Variants in FARS2 observed in about 807,000 individuals in gnomAD.
FARS2 encodes phenylalanine--tRNA ligase, mitochondrial.
Under a neutral mutation model 46.4 loss-of-function variants are expected in FARS2, and 40 were observed. The observed-to-expected ratio is 0.86, with a 90% confidence interval of 0.67 to 1.12. FARS2 has a LOEUF of 1.12. FARS2 is among the 50% of genes most tolerant of loss of function. The pLI is 0.00. For missense variants in FARS2, 513 were observed against 567.9 expected (o/e 0.90, Z 0.98); for synonymous variants, 234 against 214.9 (o/e 1.09, Z -0.78).
At chr6:5,293,516 C>T (rs1004976946) in intron 1 of FARS2, among the ~76,000 whole-genome samples, 7 of 152,062 alleles carry the variant, frequency 4.6e-5, no homozygotes, top group African/African-American at 1.7e-4. Flanking sequence ...CAACACTGGG[C>T]CATGTGATTT....
chr6:5,337,115 T>G (rs1771214561), intron 1 of FARS2, among the ~76,000 whole-genome samples: 1 of 151,800 alleles, frequency 6.6e-6, no homozygotes, highest in Non-Finnish European at 1.5e-5. Flanking sequence ...TTGTATGTAA[T>G]TTATTCCTTC....
intron 6 of FARS2, among the ~76,000 whole-genome samples, chr6:5,625,015 T>A (rs1775964001): frequency 6.6e-6 from 1 of 152,192 alleles, no homozygotes; most frequent in Non-Finnish European, 1.5e-5. Flanking sequence ...GTCTCCTGAG[T>A]TCTTCCCATC....
Position 5,431,111 on chromosome 6 carries a change from T to C in FARS2, c.843T>C (p.Phe281=). 6.2e-7 allele frequency: 1 copy of C among 1,614,010 alleles called. No individual in the cohort carries two copies. Among genetic ancestry groups the C allele is most frequent in the Non-Finnish European group, 8.5e-7 (1 of 1,179,894 alleles). The part of the protein sequence containing the change: ...THPSFEMEIN[F]HGEWLEVLGC... ...CTTCCTTTGAGATGGAGATCAACTT[T>C]CATGGAGAATGGCTGGAAGTTCTTG... The change falls in exon 4 of 7, where the codon TTT becomes TTC. Residue 281 remains phenylalanine, a synonymous_variant. Coordinates refer to ENST00000274680, the MANE Select transcript of FARS2 (RefSeq NM_006567.5).
intron 6 of FARS2, among the ~76,000 whole-genome samples, chr6:5,675,029 A>G (rs374313807): frequency 1.3e-5 from 2 of 152,182 alleles, no homozygotes; most frequent in Non-Finnish European, 1.5e-5. Context: ...CCCAATTACT[A>G]TGGGGAATTA....
Position 5,769,315 on chromosome 6 carries a change from G to A in FARS2, c.1218-1976G>A, listed in dbSNP as rs149551300. ...AGCAATTGTAGTTTGAATGGAATGG[G>A]TCAGCACTTGGTGGCAGCAGGGGTC... On this transcript the variant is annotated intron_variant, in intron 6 of 6. Coordinates refer to ENST00000274680, the MANE Select transcript of FARS2 (RefSeq NM_006567.5). Among the ~76,000 whole-genome samples, 30 of 152,306 alleles carry A rather than the reference G, an allele frequency of 2.0e-4. No individual in the cohort carries two copies. In the East Asian group the frequency reaches 5.8e-3, roughly 29 times the overall value.
At chr6:5,407,532 A>G (rs2127724600) in intron 3 of FARS2, among the ~76,000 whole-genome samples, 1 of 152,266 alleles carries the variant, frequency 6.6e-6, no homozygotes, top group South Asian at 2.1e-4. Flanking sequence ...ACTTCAGGAT[A>G]ATGTTTTTCT....
At chr6:5,716,360 G>A (rs575853547) in intron 6 of FARS2, among the ~76,000 whole-genome samples, 53 of 152,192 alleles carry the variant, frequency 3.5e-4, no homozygotes, top group African/African-American at 1.1e-3. Flanking sequence ...TATCTTGGGG[G>A]TCTTGTTTTT....
intron 4 of FARS2, among the ~76,000 whole-genome samples, chr6:5,465,960 T>G (rs1425205220): frequency 4.6e-5 from 7 of 152,180 alleles, no homozygotes; most frequent in Admixed American, 1.3e-4. Flanking sequence ...GAATCAATTT[T>G]ATCCTTATTT....
At chr6:5,385,052 C>G (rs963605) in intron 2 of FARS2, among the ~76,000 whole-genome samples, 24,619 of 152,168 alleles carry the variant, frequency 0.16, 2,138 homozygotes, top group Middle Eastern at 0.2. Flanking sequence ...AATGGCAAAG[C>G]TGGTTCAATA....
At chr6:5,252,180 C>T in the FARS2 span, among the ~76,000 whole-genome samples, 1 of 152,138 alleles carries the variant, frequency 6.6e-6, no homozygotes, top group East Asian at 1.9e-4. Flanking sequence ...TAAACTTCTC[C>T]AGGTTGATGT....
chr6:5,323,087 A>C (rs1770100828), intron 1 of FARS2, among the ~76,000 whole-genome samples: 1 of 152,108 alleles, frequency 6.6e-6, no homozygotes, highest in Admixed American at 6.6e-5. Context: ...GGTTTTAATC[A>C]TTTTTTTATT....
chr6:5,406,571 A>G (rs1203740113), intron 3 of FARS2, among the ~76,000 whole-genome samples: 2 of 152,146 alleles, frequency 1.3e-5, no homozygotes, highest in African/African-American at 4.8e-5. Flanking sequence ...TACTTAAAAT[A>G]ATTATTTTGA....
chr6:5,341,233 A>AT (rs1561970169), intron 1 of FARS2, among the ~76,000 whole-genome samples: 4 of 6,714 alleles, frequency 6.0e-4, no homozygotes, highest in Non-Finnish European at 1.1e-3. Flanking sequence ...ATATATATAT[A>AT]TATTTTTTTT....
chr6:5,379,398 G>A (rs1393700022), intron 2 of FARS2, among the ~76,000 whole-genome samples: 5 of 152,168 alleles, frequency 3.3e-5, no homozygotes, highest in Non-Finnish European at 5.9e-5. Context: ...AAAGCATAAT[G>A]TAAAGAATTA....
intron 6 of FARS2, among the ~76,000 whole-genome samples, chr6:5,626,171 G>C (rs1776020838): frequency 1.3e-5 from 2 of 152,046 alleles, no homozygotes; most frequent in Admixed American, 1.3e-4. Context: ...GGGAATCCCT[G>C]TTTTCTAGTG....
chr6:5,517,305 C>T (rs1768865630), intron 4 of FARS2, among the ~76,000 whole-genome samples: 1 of 152,048 alleles, frequency 6.6e-6, no homozygotes, highest in Admixed American at 6.6e-5. Flanking sequence ...CAGATATGTG[C>T]TTTAAGTATA....
At chr6:5,538,934 G>A (rs1460931891) in intron 4 of FARS2, among the ~76,000 whole-genome samples, 1 of 152,144 alleles carries the variant, frequency 6.6e-6, no homozygotes, top group Non-Finnish European at 1.5e-5. Flanking sequence ...AAGTCCAGTT[G>A]CTCTCTGTTC....
At chr6:5,700,524 A>C (rs1428501442) in intron 6 of FARS2, among the ~76,000 whole-genome samples, 2 of 152,126 alleles carry the variant, frequency 1.3e-5, no homozygotes, top group Non-Finnish European at 2.9e-5. Context: ...CAGCCTCCCA[A>C]GTAGCTGGGA....
intron 5 of FARS2, among the ~76,000 whole-genome samples, chr6:5,583,703 C>T (rs1773458457): frequency 6.6e-6 from 1 of 152,124 alleles, no homozygotes; most frequent in South Asian, 2.1e-4. Context: ...GAAACTGAGA[C>T]CTAGAAAGGT....
Sources: allele counts gnomAD v4.1 joint callset (sites outside exome capture counted in the v4.1 genomes callset), GRCh38; gene constraint gnomAD v4.1.1; transcripts MANE v1.5; gene names NCBI Gene and HGNC (gene_info 2026-07-23, HGNC 2026-07-21).